Variants in TEC observed in about 807,000 individuals in gnomAD.
The protein encoded by TEC is tyrosine-protein kinase Tec.
In TEC, 72 loss-of-function variants were observed where a neutral mutation model predicts 93.0. The observed-to-expected ratio is 0.77, with a 90% CI of 0.64 to 0.94. The LOEUF (loss-of-function observed/expected upper bound fraction) is 0.94. TEC is among the 40% of genes least tolerant of loss of function. The probability of loss-of-function intolerance (pLI) is 0.00; values close to 1 mark genes in which losing one functional copy is unlikely to be tolerated. For missense variants in TEC, 630 were observed against 757.9 expected (o/e 0.83, Z 1.98); for synonymous variants, 249 against 247.7 (o/e 1.01, Z -0.05).
chr4:48,187,060 G>A (rs910428164), intron 2 of TEC, among the ~76,000 whole-genome samples: 1 of 152,228 alleles, frequency 6.6e-6, no homozygotes, highest in Non-Finnish European at 1.5e-5. Flanking sequence ...AAGTAGACCT[G>A]GGAGACTCCA....
At chr4:48,189,021 C>A (rs1359411450) in intron 2 of TEC, among the ~76,000 whole-genome samples, 2 of 152,116 alleles carry the variant, frequency 1.3e-5, no homozygotes, top group South Asian at 2.1e-4. Context: ...TTTATGATTA[C>A]CTTTTATTCA....
At chr4:48,210,077 A>C (rs540790828) in intron 2 of TEC, among the ~76,000 whole-genome samples, 1 of 152,308 alleles carries the variant, frequency 6.6e-6, no homozygotes, top group Non-Finnish European at 1.5e-5. Flanking sequence ...CAAAATCATA[A>C]ATGCAAAAGC....
intron 8 of TEC, among the ~76,000 whole-genome samples, chr4:48,161,374 C>T (rs1461085674): frequency 6.6e-6 from 1 of 152,138 alleles, no homozygotes; most frequent in African/African-American, 2.4e-5. Context: ...CAAGAACATC[C>T]TGTTATTAAC....
At chr4:48,259,662 G>A (rs1389499122) in intron 1 of TEC, among the ~76,000 whole-genome samples, 2 of 150,196 alleles carry the variant, frequency 1.3e-5, no homozygotes, top group African/African-American at 4.9e-5. Context: ...ATTGCAGTGA[G>A]TCGAGATCAT....
intron 1 of TEC, among the ~76,000 whole-genome samples, chr4:48,238,711 T>TATAA (rs1560421768): frequency 6.0e-5 from 7 of 117,156 alleles, no homozygotes; most frequent in Admixed American, 9.1e-5. Context: ...TATATATTTA[T>TATAA]ATGTATTTAT....
intron 1 of TEC, among the ~76,000 whole-genome samples, chr4:48,246,914 A>G (rs887162289): frequency 3.9e-5 from 6 of 152,234 alleles, no homozygotes; most frequent in African/African-American, 1.4e-4. Flanking sequence ...GACTTCATCA[A>G]CTTAAAAATT....
intron 3 of TEC, among the ~76,000 whole-genome samples, chr4:48,174,454 T>C (rs888659929): frequency 6.6e-6 from 1 of 151,844 alleles, no homozygotes; most frequent in African/African-American, 2.4e-5. Context: ...AGGCCAGGAG[T>C]TCGAGACCAG....
At chr4:48,203,587 T>C (rs899934105) in intron 2 of TEC, among the ~76,000 whole-genome samples, 1 of 152,142 alleles carries the variant, frequency 6.6e-6, no homozygotes, top group African/African-American at 2.4e-5. Flanking sequence ...TGCAGGAAAC[T>C]GTTCCACTTT....
intron 1 of TEC, among the ~76,000 whole-genome samples, chr4:48,230,424 C>T (rs2464504): frequency 0.96 from 146,646 of 152,278 alleles, 70,645 homozygotes; most frequent in East Asian, 1. Context: ...AAGAACTGAC[C>T]ATGAAAATAC....
intron 5 of TEC, among the ~76,000 whole-genome samples, chr4:48,169,910 T>C (rs1278265656): frequency 2.6e-5 from 4 of 152,242 alleles, no homozygotes; most frequent in Non-Finnish European, 5.9e-5. Flanking sequence ...GATGCACTGC[T>C]ACATGAGGTT....
chr4:48,219,097 A>G (rs1723170629), intron 2 of TEC, among the ~76,000 whole-genome samples: 1 of 152,238 alleles, frequency 6.6e-6, no homozygotes, highest in Admixed American at 6.5e-5. Flanking sequence ...ATTATTATAA[A>G]CATTATTAAT....
chr4:48,224,075 T>G (rs1455354565), intron 2 of TEC, among the ~76,000 whole-genome samples: 1 of 152,174 alleles, frequency 6.6e-6, no homozygotes, highest in African/African-American at 2.4e-5. Flanking sequence ...ATAAATCTAG[T>G]TGTGAGTATG....
At chr4:48,148,329 T>C (rs1484101735) in intron 11 of TEC, among the ~76,000 whole-genome samples, 2 of 152,168 alleles carry the variant, frequency 1.3e-5, no homozygotes, top group Non-Finnish European at 2.9e-5. Flanking sequence ...AAAGGGTGCC[T>C]TCAATAAAAT....
At chr4:48,158,996 A>G (rs1010585598) in intron 8 of TEC, among the ~76,000 whole-genome samples, 4 of 151,982 alleles carry the variant, frequency 2.6e-5, no homozygotes, top group Admixed American at 1.3e-4. Flanking sequence ...AAATAAATAA[A>G]TGAATTAACT....
intron 2 of TEC, among the ~76,000 whole-genome samples, chr4:48,202,050 G>A (rs1428383275): frequency 2.7e-5 from 4 of 146,502 alleles, no homozygotes; most frequent in Non-Finnish European, 4.5e-5. Context: ...TCTGCCTCCC[G>A]GGTTCACGCC....
intron 14 of TEC, among the ~76,000 whole-genome samples, chr4:48,142,127 G>A (rs1386726050): frequency 1.3e-5 from 2 of 152,096 alleles, no homozygotes; most frequent in East Asian, 1.9e-4. Flanking sequence ...AATGATGGGC[G>A]ACCAATCTCT....
chr4:48,229,822 C>G (rs1198855930), intron 1 of TEC, among the ~76,000 whole-genome samples: 1 of 151,554 alleles, frequency 6.6e-6, no homozygotes, highest in Non-Finnish European at 1.5e-5. Flanking sequence ...GCCTGTAATC[C>G]CAGCACTTTG....
intron 2 of TEC, among the ~76,000 whole-genome samples, chr4:48,181,573 T>C (rs1009472865): frequency 8.1e-5 from 8 of 99,254 alleles, no homozygotes; most frequent in African/African-American, 3.1e-4. Context: ...CCTGGGAGGC[T>C]GAGGCAGGAG....
intron 8 of TEC, among the ~76,000 whole-genome samples, chr4:48,160,881 C>A (rs1204138836): frequency 3.5e-5 from 3 of 86,766 alleles, no homozygotes; most frequent in Non-Finnish European, 7.3e-5. Context: ...AATTCAAAAG[C>A]AGCGGGTTGA....
Sources: gnomAD v4.1 joint callset for allele counts (sites outside exome capture counted in the v4.1 genomes callset) on GRCh38, gnomAD v4.1.1 for gene constraint, MANE v1.5 for transcripts, NCBI Gene and HGNC (gene_info 2026-07-23, HGNC 2026-07-21) for gene names.